The following MAGI2 variants were observed in gnomAD, a reference collection of about 807,000 sequenced individuals.
MAGI2 encodes membrane-associated guanylate kinase, WW and PDZ domain-containing protein 2.
In MAGI2, 35 loss-of-function variants were observed where a neutral mutation model predicts 133.3. That is an observed-to-expected ratio of 0.26 (90% confidence interval 0.20 to 0.35). MAGI2 has a LOEUF of 0.35. Ranked by LOEUF, MAGI2 falls within the 10% of genes least tolerant of loss-of-function variation. MAGI2 has a pLI of 1.00. For synonymous variants in MAGI2, 729 were observed against 710.6 expected (o/e 1.03, Z -0.41); for missense variants, 1,636 against 1,863.4 (o/e 0.88, Z 2.25).
chr7:78,237,116 T>C (rs1482423726), intron 10 of MAGI2, among the ~76,000 whole-genome samples: 1 of 151,964 alleles, frequency 6.6e-6, no homozygotes, highest in African/African-American at 2.4e-5. Flanking sequence ...AACCATATCA[T>C]CCTGTTATAC....
chr7:78,574,930 A>T (rs575400053), intron 3 of MAGI2, among the ~76,000 whole-genome samples: 2 of 152,308 alleles, frequency 1.3e-5, no homozygotes, highest in African/African-American at 4.8e-5. Flanking sequence ...AATATTCAAG[A>T]CCATGCTTAA....
chr7:79,038,625 C>A (rs908352660), intron 1 of MAGI2, among the ~76,000 whole-genome samples: 9 of 152,094 alleles, frequency 5.9e-5, no homozygotes, highest in Non-Finnish European at 8.8e-5. Context: ...GAATTTTGTT[C>A]ATCAAGAATC....
intron 1 of MAGI2, among the ~76,000 whole-genome samples, chr7:79,070,448 G>A (rs548144056): frequency 6.6e-6 from 1 of 150,670 alleles, no homozygotes; most frequent in South Asian, 2.1e-4. Flanking sequence ...TGTGTTTTCA[G>A]CTCCATCAGG....
chr7:78,573,313 A>AATAT (rs1563189185), intron 3 of MAGI2, among the ~76,000 whole-genome samples: 1 of 43,444 alleles, frequency 2.3e-5, no homozygotes, highest in Admixed American at 3.9e-4. Flanking sequence ...TATATATATA[A>AATAT]ATATATAAAT....
chr7:78,649,760 G>C (rs532720070), intron 2 of MAGI2, among the ~76,000 whole-genome samples: 10 of 152,190 alleles, frequency 6.6e-5, no homozygotes, highest in Admixed American at 3.9e-4. Context: ...GGGAACATTG[G>C]TATGCAGCCA....
At chr7:78,991,352 ACAT>A (rs889470007) in intron 2 of MAGI2, among the ~76,000 whole-genome samples, 4 of 151,938 alleles carry the variant, frequency 2.6e-5, no homozygotes, top group African/African-American at 7.2e-5. Context: ...CTACATATAC[ACAT>A]CATATTTCAT....
intron 9 of MAGI2, among the ~76,000 whole-genome samples, chr7:78,331,296 A>G (rs903915145): frequency 1.3e-5 from 2 of 151,080 alleles, no homozygotes; most frequent in African/African-American, 4.9e-5. Context: ...GCATACCCCA[A>G]ACCTCAGCGT....
chr7:78,292,508 C>A (rs1796820863), intron 9 of MAGI2, among the ~76,000 whole-genome samples: 1 of 152,150 alleles, frequency 6.6e-6, no homozygotes, highest in Non-Finnish European at 1.5e-5. Flanking sequence ...GCCATACTGC[C>A]CAAGGTAACT....
chr7:79,257,088 C>T (rs567527096), intron 1 of MAGI2, among the ~76,000 whole-genome samples: 141 of 152,118 alleles, frequency 9.3e-4, no homozygotes, highest in Non-Finnish European at 2.6e-4. Context: ...TGTTAATTAG[C>T]TACAGTTAGC....
chr7:79,171,768 ATAT>A (rs1191148578), intron 1 of MAGI2, among the ~76,000 whole-genome samples: 180 of 20,886 alleles, frequency 8.6e-3, no homozygotes, highest in African/African-American at 0.017. Flanking sequence ...ATATATATAT[ATAT>A]TTTTTTTTTT....
Position 79,331,955 on chromosome 7 carries a change from A to G in MAGI2, c.301+121065T>C, listed in dbSNP as rs1049249764. ...AAAACTTAAAGTATAATAAAAAAAA[A>G]AAGGAAAAAAAAATTCCTTTTCTCT... On this transcript the variant is annotated intron_variant, in intron 1 of 21. Transcript: ENST00000354212. Among the ~76,000 whole-genome samples the G allele has an allele frequency of 1.1e-4, 16 of 152,100 alleles. No homozygotes were observed. In the East Asian group the frequency reaches 3.1e-3, roughly 29 times the overall value.
intron 1 of MAGI2, among the ~76,000 whole-genome samples, chr7:79,449,877 C>CATATACATATATATATATATATAT (rs1472820472): frequency 1.6e-4 from 19 of 120,610 alleles, no homozygotes; most frequent in African/African-American, 4.8e-4. Context: ...GAGATATATA[C>CATATACATATATATATATATATAT]ATATATATAT....
chr7:79,158,316 C>G (rs1295397943), intron 1 of MAGI2, among the ~76,000 whole-genome samples: 1 of 151,882 alleles, frequency 6.6e-6, no homozygotes, highest in East Asian at 1.9e-4. Context: ...CATAAAAGAG[C>G]TCTAATTAAT....
intron 1 of MAGI2, among the ~76,000 whole-genome samples, chr7:79,030,845 T>C (rs1810500315): frequency 6.6e-6 from 1 of 152,186 alleles, no homozygotes; most frequent in Non-Finnish European, 1.5e-5. Context: ...ATTATTTATA[T>C]ACAGCACTGA....
chr7:79,218,599 C>T (rs892858904), intron 1 of MAGI2, among the ~76,000 whole-genome samples: 1 of 152,040 alleles, frequency 6.6e-6, no homozygotes, highest in Admixed American at 6.5e-5. Context: ...TCTTTTCTTA[C>T]TCTCCAATTG....
intron 6 of MAGI2, among the ~76,000 whole-genome samples, chr7:78,462,198 A>G (rs1393996065): frequency 6.6e-6 from 1 of 152,130 alleles, no homozygotes; most frequent in Non-Finnish European, 1.5e-5. Context: ...TTCTCTCACA[A>G]ATGTCTCCCA....
chr7:79,227,275 C>T (rs1419227622), intron 1 of MAGI2, among the ~76,000 whole-genome samples: 1 of 152,120 alleles, frequency 6.6e-6, no homozygotes, highest in Non-Finnish European at 1.5e-5. Context: ...TTTTGCATGA[C>T]TCATTTGAGA....
intron 1 of MAGI2, among the ~76,000 whole-genome samples, chr7:79,127,263 G>C (rs1003107750): frequency 6.6e-6 from 1 of 152,116 alleles, no homozygotes; most frequent in Non-Finnish European, 1.5e-5. Flanking sequence ...ATAAACATAC[G>C]TGTGCATGTG....
chr7:78,273,223 A>G (rs1475068981), intron 9 of MAGI2, among the ~76,000 whole-genome samples: 1 of 152,146 alleles, frequency 6.6e-6, no homozygotes. Flanking sequence ...TGGAGATGAA[A>G]TTCTGGGTTG....
Sources: allele counts gnomAD v4.1 joint callset (sites outside exome capture counted in the v4.1 genomes callset), GRCh38; gene constraint gnomAD v4.1.1; transcripts MANE v1.5; gene names NCBI Gene and HGNC (gene_info 2026-07-23, HGNC 2026-07-21).